RARB: variants seen among roughly 807,000 people sequenced by gnomAD.
RARB encodes the protein retinoic acid receptor beta, also known as HBV-activated protein.
RARB carries 17 observed loss-of-function variants against 51.9 expected under a neutral mutation model. The observed-to-expected ratio is 0.33, with a 90% CI of 0.22 to 0.49. The LOEUF is 0.49. RARB is among the 20% of genes least tolerant of loss of function. RARB has a pLI of 0.99. For missense variants in RARB, 369 were observed against 550.8 expected, an observed-to-expected ratio of 0.67 and a Z score of 3.30; for synonymous variants, 215 against 195.4, an observed-to-expected ratio of 1.10 and a Z score of -0.84.
rs191307338 is a variant in RARB at position 25,566,639 on chromosome 3, A to G, written c.449-3119A>G. 3.2e-3 allele frequency among the ~76,000 whole-genome samples: 485 copies of G among 152,112 alleles called. 4 individuals are homozygous for G. The highest frequency in any genetic ancestry group is 9.1e-3 in the Admixed American group (139 of 15,280). On this transcript the variant is annotated intron_variant, in intron 3 of 7. Transcript: ENST00000330688. ...CTTTCTTGCTTGGTTCAGTTACTTC[A>G]TGGTGACAGCTCACAGTGTCTCCTC...
intron 5 of RARB, among the ~76,000 whole-genome samples, chr3:25,247,443 A>T (rs34985047): frequency 0.12 from 17,528 of 152,242 alleles, 1,114 homozygotes; most frequent in South Asian, 0.26. Context: ...CTCGGGGCCC[A>T]TGTGGTGTAG....
Position 25,097,996 on chromosome 3 carries a change from C to G in RARB, c.-327-34165C>G, listed in dbSNP as rs78870250. ...TTGGAGATTCAGACATGAAAATGAC[C>G]AGTCCACAGTACCATGTGAATAAAT... On this transcript the variant is annotated intron_variant, in intron 3 of 11. Coordinates refer to the RARB transcript ENST00000383772. Among the ~76,000 whole-genome samples, 662 of 152,246 alleles carry G rather than the reference C, an allele frequency of 4.3e-3. 11 individuals carry two copies. The highest frequency in any genetic ancestry group is 0.036 in the South Asian group (175 of 4,822).
intron 5 of RARB, among the ~76,000 whole-genome samples, chr3:25,312,826 T>C (rs1704322523): frequency 6.6e-6 from 1 of 152,198 alleles, no homozygotes; most frequent in South Asian, 2.1e-4. Context: ...CAGCTGTCCC[T>C]CGCGGATAGA....
chr3:25,325,782 TG>T (rs1559358071), intron 5 of RARB, among the ~76,000 whole-genome samples: 1 of 99,974 alleles, frequency 1.0e-5, no homozygotes, highest in Admixed American at 1.1e-4. Flanking sequence ...ACCTTCAGTT[TG>T]GGGGTTGTTG....
chr3:25,004,358 G>C lies in RARB; in HGVS notation c.-379-55767G>C, dbSNP rs866438021. On this transcript the variant is annotated intron_variant, in intron 2 of 11. Transcript: ENST00000383772. ...TGCTATAACAGGATAGCTGAGACTG[G>C]ATAATTTATATTAAACAGATTCATT... 2.0e-5 allele frequency among the ~76,000 whole-genome samples: 3 copies of C among 152,194 alleles called. No homozygotes were observed. The South Asian group carries it at 6.2e-4, about 32-fold the overall frequency.
chr3:25,344,024 A>G lies in RARB; in HGVS notation c.179-117169A>G, dbSNP rs551963560. On this transcript the variant is annotated intron_variant, in intron 5 of 11. Transcript: ENST00000383772. ...TGGCATATCCATTTGGCAAATGGAG[A>G]CCAAAGAATTTATGTCGGCAGAAGT... Among the ~76,000 whole-genome samples the G allele has an allele frequency of 1.8e-3, 277 of 152,294 alleles. 1 individual carries two copies. The highest frequency in any genetic ancestry group is 6.1e-3 in the African/African-American group (255 of 41,580).
At chr3:25,126,234 A>G (rs1315986310) in intron 3 of RARB, among the ~76,000 whole-genome samples, 3 of 151,998 alleles carry the variant, frequency 2.0e-5, no homozygotes, top group Non-Finnish European at 4.4e-5. Flanking sequence ...CCTTTAAAAT[A>G]TTACTGGAGA....
intron 2 of RARB, among the ~76,000 whole-genome samples, chr3:24,905,287 A>G (rs184916356): frequency 3.9e-5 from 6 of 152,310 alleles, no homozygotes; most frequent in African/African-American, 1.2e-4. Context: ...GATGACAGTA[A>G]TAAAAATGAG....
chr3:25,537,253 A>G (rs946197315), intron 3 of RARB, among the ~76,000 whole-genome samples: 1 of 152,216 alleles, frequency 6.6e-6, no homozygotes, highest in Non-Finnish European at 1.5e-5. Flanking sequence ...AAGCATCTGG[A>G]AAGGGCCATT....
chr3:25,333,758 A>T (rs1228069655), intron 5 of RARB, among the ~76,000 whole-genome samples: 1 of 152,250 alleles, frequency 6.6e-6, no homozygotes, highest in African/African-American at 2.4e-5. Flanking sequence ...GAATGGGAGT[A>T]AATTTTTACA....
chr3:25,023,679 T>G (rs1246315155), intron 2 of RARB, among the ~76,000 whole-genome samples: 1 of 152,118 alleles, frequency 6.6e-6, no homozygotes, highest in Non-Finnish European at 1.5e-5. Flanking sequence ...AGTCTATAGA[T>G]GTGGTATGTG....
chr3:24,841,054 C>T (rs773734114), intron 1 of RARB, among the ~76,000 whole-genome samples: 1 of 152,114 alleles, frequency 6.6e-6, no homozygotes, highest in Non-Finnish European at 1.5e-5. Flanking sequence ...GAAAGACATC[C>T]TAATTGAAAT....
At chr3:25,298,051 C>T (rs1027598141) in intron 5 of RARB, among the ~76,000 whole-genome samples, 1 of 152,152 alleles carries the variant, frequency 6.6e-6, no homozygotes, top group Non-Finnish European at 1.5e-5. Flanking sequence ...GGACAAAAGA[C>T]AGCTAAGCAT....
At chr3:25,345,925 G>A (rs1026758877) in intron 5 of RARB, 2 of 872,538 alleles carry the variant, frequency 2.3e-6, no homozygotes, top group Non-Finnish European at 2.8e-6. Flanking sequence ...AGAGAAAAAT[G>A]TTTAAACCAC....
chr3:25,021,110 T>G (rs1697627070), intron 2 of RARB, among the ~76,000 whole-genome samples: 1 of 152,230 alleles, frequency 6.6e-6, no homozygotes, highest in African/African-American at 2.4e-5. Context: ...CTCTTGATGG[T>G]GAACGCTGTT....
At chr3:24,856,600 C>G (rs759324516) in intron 1 of RARB, among the ~76,000 whole-genome samples, 91 of 152,188 alleles carry the variant, frequency 6.0e-4, no homozygotes, top group Non-Finnish European at 1.1e-3. Context: ...CTTCTACCCT[C>G]CTAAATGTTC....
intron 3 of RARB, among the ~76,000 whole-genome samples, chr3:25,533,685 T>G (rs1699018928): frequency 6.6e-6 from 1 of 152,142 alleles, no homozygotes; most frequent in Non-Finnish European, 1.5e-5. Context: ...AACGATCCCA[T>G]AGAGGGAGCA....
In RARB at chr3:24,871,498, G is replaced by T. The variant is rs79212139; in HGVS notation, c.-380+12746G>T. 7.8e-3 allele frequency among the ~76,000 whole-genome samples: 1,189 copies of T among 152,018 alleles called. 15 individuals carry two copies. Among genetic ancestry groups the T allele is most frequent in the African/African-American group, 0.027 (1,122 of 41,476 alleles). ...TTGCTCCTTTTCACGCACCCCTCTA[G>T]GTCTTCTTCTCCCAAAATCTATAGA... On this transcript the variant is annotated intron_variant, in intron 2 of 11. Transcript: ENST00000383772.
chr3:25,118,786 CTCCCCAGAAAGTCATTTTA>C (rs2125328319), intron 3 of RARB, among the ~76,000 whole-genome samples: 1 of 152,130 alleles, frequency 6.6e-6, no homozygotes, highest in Admixed American at 6.6e-5. Flanking sequence ...ACACAAGATC[CTCCCCAGAAAGTCATTTTA>C]GGTCCATTAT....
Sources: gnomAD v4.1 joint callset for allele counts (sites outside exome capture counted in the v4.1 genomes callset) on GRCh38, gnomAD v4.1.1 for gene constraint, MANE v1.5 for transcripts, NCBI Gene and HGNC (gene_info 2026-07-23, HGNC 2026-07-21) for gene names.